Variants in LRFN2 observed in about 807,000 individuals in gnomAD.
LRFN2 encodes leucine-rich repeat and fibronectin type-III domain-containing protein 2.
Under a neutral mutation model 37.3 loss-of-function variants are expected in LRFN2, and 18 were observed. That is an observed-to-expected ratio of 0.48 (90% confidence interval 0.33 to 0.72). The LOEUF (loss-of-function observed/expected upper bound fraction) is 0.72, where lower values mean the gene tolerates loss of function less well. LRFN2 is among the 30% of genes least tolerant of loss of function. The probability of loss-of-function intolerance (pLI) is 0.02; values close to 1 mark genes in which losing one functional copy is unlikely to be tolerated. For synonymous variants in LRFN2, 556 were observed against 466.6 expected (o/e 1.19, Z -2.47); for missense variants, 1,006 against 1,060.7 (o/e 0.95, Z 0.72).
chr6:40,526,075 A>C (rs534852620), intron 1 of LRFN2, among the ~76,000 whole-genome samples: 2 of 152,372 alleles, frequency 1.3e-5, no homozygotes, highest in South Asian at 4.1e-4. Flanking sequence ...TGTGCAGGGC[A>C]CAGTTCTGAG....
chr6:40,574,995 C>A lies in LRFN2; in HGVS notation c.-19+11946G>T, dbSNP rs577780732. On this transcript the variant is annotated intron_variant, in intron 1 of 2. Coordinates refer to ENST00000338305, the MANE Select transcript of LRFN2 (RefSeq NM_020737.3). The stretch of plus-strand genomic sequence containing the variant: ...AGGGAGATAAGTGTCTGGGCCATGG[C>A]AAGTAGCATATTGTGGCCTGACTCC... 2.0e-5 allele frequency among the ~76,000 whole-genome samples: 3 copies of A among 152,290 alleles called. No individual in the cohort carries two copies. In the East Asian group the frequency reaches 5.8e-4, roughly 29 times the overall value.
chr6:40,480,030 C>A (rs1193665681), intron 1 of LRFN2, among the ~76,000 whole-genome samples: 1 of 152,160 alleles, frequency 6.6e-6, no homozygotes, highest in Non-Finnish European at 1.5e-5. Flanking sequence ...TATACGAAAT[C>A]CTCATGGCCT....
chr6:40,520,175 A>G (rs1766015470), intron 1 of LRFN2, among the ~76,000 whole-genome samples: 2 of 152,162 alleles, frequency 1.3e-5, no homozygotes, highest in Non-Finnish European at 2.9e-5. Flanking sequence ...TTTAGGCAGA[A>G]TCCTCTGGCA....
At chr6:40,425,267 G>A (rs1763325527) in intron 2 of LRFN2, among the ~76,000 whole-genome samples, 1 of 152,140 alleles carries the variant, frequency 6.6e-6, no homozygotes, top group African/African-American at 2.4e-5. Context: ...TTCTACACAA[G>A]GATGGGGGCA....
At chr6:40,407,911 C>G (rs1301471928) in intron 2 of LRFN2, 1 of 152,194 alleles carries the variant, frequency 6.6e-6, no homozygotes. Context: ...CAGCATGGCC[C>G]CTGCAGAAAG....
chr6:40,411,491 C>T (rs1762966310), intron 2 of LRFN2, among the ~76,000 whole-genome samples: 1 of 152,206 alleles, frequency 6.6e-6, no homozygotes, highest in Non-Finnish European at 1.5e-5. Context: ...GTCGGGTGAA[C>T]ACTCGAATCA....
At chr6:40,534,984 T>C (rs1766422787) in intron 1 of LRFN2, among the ~76,000 whole-genome samples, 1 of 152,304 alleles carries the variant, frequency 6.6e-6, no homozygotes, top group African/African-American at 2.4e-5. Context: ...CATGATATAG[T>C]GGCAGAGCTG....
intron 1 of LRFN2, among the ~76,000 whole-genome samples, chr6:40,561,913 T>C (rs1042400838): frequency 1.3e-5 from 2 of 151,990 alleles, no homozygotes; most frequent in Non-Finnish European, 2.9e-5. Context: ...CCCTCCACCA[T>C]GATGACCAGG....
chr6:40,574,486 G>A (rs544835889), intron 1 of LRFN2, among the ~76,000 whole-genome samples: 6 of 152,280 alleles, frequency 3.9e-5, no homozygotes, highest in Admixed American at 2.6e-4. Context: ...CATCAGCCTC[G>A]GAGTTATGCT....
chr6:40,413,474 A>G (rs1383902995), intron 2 of LRFN2, among the ~76,000 whole-genome samples: 2 of 152,314 alleles, frequency 1.3e-5, no homozygotes, highest in East Asian at 3.9e-4. Flanking sequence ...ACTGAGCATT[A>G]AATCTCGCTC....
intron 1 of LRFN2, among the ~76,000 whole-genome samples, chr6:40,549,518 G>A (rs1270721589): frequency 6.6e-6 from 1 of 152,198 alleles, no homozygotes; most frequent in African/African-American, 2.4e-5. Flanking sequence ...GGTTCAAAGT[G>A]GCCCATTGAG....
At chr6:40,465,494 C>CT (rs1271283979) in intron 1 of LRFN2, among the ~76,000 whole-genome samples, 1 of 152,184 alleles carries the variant, frequency 6.6e-6, no homozygotes, top group African/African-American at 2.4e-5. Context: ...CCTTACTTCT[C>CT]TATCAATGCC....
chr6:40,448,120 T>C (rs1184979196), intron 1 of LRFN2, among the ~76,000 whole-genome samples: 1 of 152,170 alleles, frequency 6.6e-6, no homozygotes, highest in Non-Finnish European at 1.5e-5. Flanking sequence ...TCCTGAGCAG[T>C]GTCCTTCACA....
At chr6:40,487,213 A>C (rs956368560) in intron 1 of LRFN2, among the ~76,000 whole-genome samples, 1 of 152,146 alleles carries the variant, frequency 6.6e-6, no homozygotes, top group African/African-American at 2.4e-5. Flanking sequence ...TTTCAGCAAA[A>C]GTTGAATTGC....
At chr6:40,423,602 CT>C (rs1426431814) in intron 2 of LRFN2, among the ~76,000 whole-genome samples, 1 of 152,222 alleles carries the variant, frequency 6.6e-6, no homozygotes, top group African/African-American at 2.4e-5. Flanking sequence ...TGTGGATGTG[CT>C]ACCTGCCTTC....
chr6:40,470,152 C>T (rs1764558921), intron 1 of LRFN2, among the ~76,000 whole-genome samples: 1 of 152,228 alleles, frequency 6.6e-6, no homozygotes, highest in Admixed American at 6.5e-5. Context: ...TGCAGAACCC[C>T]ACTTGCCAAG....
intron 1 of LRFN2, among the ~76,000 whole-genome samples, chr6:40,509,983 C>T (rs1345782095): frequency 6.7e-6 from 1 of 148,682 alleles, no homozygotes; most frequent in Non-Finnish European, 1.5e-5. Flanking sequence ...TGCCACGGAA[C>T]ACTGGGCTGT....
At chr6:40,532,085 C>T (rs1295468155) in intron 1 of LRFN2, among the ~76,000 whole-genome samples, 1 of 152,266 alleles carries the variant, frequency 6.6e-6, no homozygotes, top group Non-Finnish European at 1.5e-5. Context: ...TGAAGTTTGA[C>T]TAGTGAACCC....
At chr6:40,472,676 A>T (rs373975516) in intron 1 of LRFN2, among the ~76,000 whole-genome samples, 1 of 152,048 alleles carries the variant, frequency 6.6e-6, no homozygotes, top group African/African-American at 2.4e-5. Flanking sequence ...TTCCAGGGAG[A>T]TCCTACGGGA....
Sources: allele counts gnomAD v4.1 joint callset (sites outside exome capture counted in the v4.1 genomes callset), GRCh38; gene constraint gnomAD v4.1.1; transcripts MANE v1.5; gene names NCBI Gene and HGNC (gene_info 2026-07-23, HGNC 2026-07-21).